The following SHROOM3 variants were observed in gnomAD, a reference collection of about 807,000 sequenced individuals.
SHROOM3 encodes the protein shroom family member 3.
A neutral mutation model predicts 138.6 loss-of-function variants in SHROOM3; 47 were observed. The observed-to-expected ratio is 0.34, with a 90% CI of 0.27 to 0.43. The LOEUF (loss-of-function observed/expected upper bound fraction) is 0.43, where lower values mean the gene tolerates loss of function less well. Among genes scored for constraint, SHROOM3 ranks in the 20% least tolerant of loss-of-function variants. SHROOM3 has a pLI of 1.00. For synonymous variants in SHROOM3, 1,062 were observed against 1,063.3 expected (o/e 1.00, Z 0.02); for missense variants, 2,491 against 2,596.5 (o/e 0.96, Z 0.88).
Position 76,740,381 on chromosome 4 carries a change from C to T in SHROOM3, c.2208C>T (p.Asn736=). Residue 736 remains asparagine, a synonymous_variant, in exon 5 of 11, where the codon AAC becomes AAT. Transcript: ENST00000296043. This position sits in a 1 kb window ranked among gnomAD's most constrained non-coding sequence, Gnocchi z 4.0. ...EGRTGASASF[N]STDPSPEEPP... ...GGACCGGTGCCTCGGCTTCTTTCAA[C>T]AGCACAGACCCAAGTCCCGAAGAGC... 3 of 1,613,078 alleles carry T rather than the reference C, an allele frequency of 1.9e-6. No homozygotes were observed. The highest frequency in any genetic ancestry group is 2.2e-5 in the East Asian group (1 of 44,862).
intron 2 of SHROOM3, among the ~76,000 whole-genome samples, chr4:76,610,586 T>G (rs555592058): frequency 6.6e-6 from 1 of 152,228 alleles, no homozygotes; most frequent in Non-Finnish European, 1.5e-5. Flanking sequence ...TCCACAAATC[T>G]TGATACACTC....
intron 2 of SHROOM3, among the ~76,000 whole-genome samples, chr4:76,676,444 T>C (rs566201625): frequency 5.9e-5 from 9 of 152,286 alleles, no homozygotes; most frequent in Admixed American, 5.9e-4. Context: ...ATCAATAGAT[T>C]TATTAAAGTT....
chr4:76,703,920 C>G (rs1719972931), intron 2 of SHROOM3, among the ~76,000 whole-genome samples: 1 of 152,190 alleles, frequency 6.6e-6, no homozygotes. Flanking sequence ...CAAAATTGCA[C>G]TGAGCCATAC....
At chr4:76,550,046 T>C (rs1368418493) in intron 1 of SHROOM3, among the ~76,000 whole-genome samples, 1 of 152,184 alleles carries the variant, frequency 6.6e-6, no homozygotes, top group Non-Finnish European at 1.5e-5. Context: ...AATGGATCAA[T>C]TTAAGCACAG....
rs766731086 is a variant in SHROOM3, at chr4:76,756,478, C to T, written c.4739C>T (p.Ala1580Val). The change falls in exon 8 of 11, where the codon GCA becomes GTA. Residue 1580 changes from alanine to valine, a missense_variant. Physicochemically the swap from Ala to Val is moderately conservative, Grantham distance 64. This residue lies in a region of SHROOM3 where 470 missense variants were observed against 595.0 expected (regional missense o/e 0.79). Coordinates refer to ENST00000296043, the MANE Select transcript of SHROOM3 (RefSeq NM_020859.4). The part of the protein sequence containing the change: ...SFNKLSKVTI[A>V]RERHMPGAAH... The stretch of plus-strand genomic sequence containing the variant: ...AACAAACTTTCTAAAGTGACAATTG[C>T]AAGGGAAAGGCACATGCCTGGTGCA... 2 of 1,611,416 alleles carry T rather than the reference C, an allele frequency of 1.2e-6. No homozygotes were observed. Among genetic ancestry groups the T allele is most frequent in the Non-Finnish European group, 8.5e-7 (1 of 1,179,514 alleles).
intron 5 of SHROOM3, 41 bp from the exon 6 acceptor site, chr4:76,748,976 C>G (rs1312737271): frequency 1.9e-6 from 3 of 1,592,226 alleles, no homozygotes; most frequent in East Asian, 2.2e-5. Context: ...TTTAAACACC[C>G]GTTTATTGGC....
chr4:76,570,170 C>T (rs1733807069), intron 2 of SHROOM3, among the ~76,000 whole-genome samples: 1 of 151,994 alleles, frequency 6.6e-6, no homozygotes, highest in African/African-American at 2.4e-5. Flanking sequence ...CACACACACA[C>T]ACACACACAC....
intron 2 of SHROOM3, among the ~76,000 whole-genome samples, chr4:76,667,992 A>AAAAAAAAG (rs1718758219): frequency 2.1e-5 from 3 of 143,710 alleles, no homozygotes; most frequent in African/African-American, 2.6e-5. Flanking sequence ...AAAAAAAAAA[A>AAAAAAAAG]GTTGTTCTGC....
chr4:76,582,525 A>C (rs1734072653), intron 2 of SHROOM3, among the ~76,000 whole-genome samples: 1 of 152,234 alleles, frequency 6.6e-6, no homozygotes, highest in Non-Finnish European at 1.5e-5. Context: ...TGGTGTTCAG[A>C]AATCAAGGCT....
intron 6 of SHROOM3, among the ~76,000 whole-genome samples, chr4:76,749,315 C>A (rs1022814412): frequency 2.6e-5 from 4 of 152,066 alleles, no homozygotes. Flanking sequence ...ATACATGTGC[C>A]ATGTTGGTGT....
chr4:76,727,210 G>A (rs569326697), intron 3 of SHROOM3, among the ~76,000 whole-genome samples: 5 of 152,288 alleles, frequency 3.3e-5, no homozygotes, highest in South Asian at 2.1e-4. Context: ...ACACCTCTAG[G>A]TATCTCATGC....
intron 1 of SHROOM3, among the ~76,000 whole-genome samples, chr4:76,504,151 C>T (rs1732155573): frequency 6.6e-6 from 1 of 152,038 alleles, no homozygotes; most frequent in Non-Finnish European, 1.5e-5. Flanking sequence ...GAGAAGCCGA[C>T]TTCTCAAAAA....
intron 1 of SHROOM3, among the ~76,000 whole-genome samples, chr4:76,530,882 A>G (rs1732815455): frequency 6.6e-6 from 1 of 152,192 alleles, no homozygotes; most frequent in Non-Finnish European, 1.5e-5. Context: ...TTGGAGGAAT[A>G]TCCTCCTAAC....
chr4:76,727,796 G>T (rs1055163650), intron 3 of SHROOM3, among the ~76,000 whole-genome samples: 2 of 151,066 alleles, frequency 1.3e-5, no homozygotes, highest in East Asian at 3.9e-4. Context: ...GCTGAGGCAG[G>T]AGAACTGCTT....
At chr4:76,647,565 A>G (rs1489188068) in intron 2 of SHROOM3, among the ~76,000 whole-genome samples, 1 of 152,208 alleles carries the variant, frequency 6.6e-6, no homozygotes, top group Non-Finnish European at 1.5e-5. Flanking sequence ...ATAAAAATAA[A>G]TAGAAATCAA....
chr4:76,756,852 C>T lies in SHROOM3; in HGVS notation c.5113C>T (p.Arg1705Ter). The T allele has an allele frequency of 1.9e-6, 3 of 1,614,058 alleles. No homozygotes were observed. The highest frequency in any genetic ancestry group is 2.5e-6 in the Non-Finnish European group (3 of 1,180,032). Residue 1705 changes from arginine to a stop codon, truncating the protein, a stop_gained, in exon 8 of 11, where the codon CGA becomes TGA. Transcript: ENST00000296043. LOFTEE classifies it high-confidence loss of function. The part of the protein sequence containing the change: ...TMDLMEGLFP[R>*]DVNLLKENSV... ...GGACCTGATGGAAGGTTTGTTTCCC[C>T]GAGATGTGAACTTGCTGAAGGAAAA...
At chr4:76,440,887 C>T (rs957627913) in intron 1 of SHROOM3, among the ~76,000 whole-genome samples, 1 of 152,070 alleles carries the variant, frequency 6.6e-6, no homozygotes, top group African/African-American at 2.4e-5. Context: ...GTCACCTCTC[C>T]TTCTCCAAAA....
chr4:76,448,979 C>T (rs912634945), intron 1 of SHROOM3, among the ~76,000 whole-genome samples: 2 of 152,160 alleles, frequency 1.3e-5, no homozygotes, highest in Admixed American at 6.5e-5. Context: ...GTAGTTCTCT[C>T]TTTCGGTCTT....
At chr4:76,578,220 T>C (rs1733977142) in intron 2 of SHROOM3, among the ~76,000 whole-genome samples, 1 of 152,244 alleles carries the variant, frequency 6.6e-6, no homozygotes, top group Non-Finnish European at 1.5e-5. Context: ...TCTGGACTTT[T>C]CACTTATTGG....
Sources: allele counts gnomAD v4.1 joint callset (sites outside exome capture counted in the v4.1 genomes callset), GRCh38; gene constraint gnomAD v4.1.1; regional missense constraint gnomAD v4.1.1; non-coding constraint Gnocchi (gnomAD v3.1); transcripts MANE v1.5; gene names NCBI Gene and HGNC (gene_info 2026-07-23, HGNC 2026-07-21).